The following VPS37A variants were observed in gnomAD, a reference collection of about 807,000 sequenced individuals.
The protein encoded by VPS37A is vacuolar protein sorting-associated protein 37A.
In VPS37A, 30 loss-of-function variants were observed where a neutral mutation model predicts 49.8. The ratio of observed to expected loss-of-function variants is 0.60; its 90% CI spans 0.45 to 0.82. VPS37A has a LOEUF of 0.82. Among genes scored for constraint, VPS37A ranks in the 40% least tolerant of loss-of-function variants. The pLI, the probability that VPS37A is intolerant of heterozygous loss-of-function variation, is 0.00. For missense variants in VPS37A, 593 were observed against 464.4 expected (o/e 1.28, Z -2.55); for synonymous variants, 195 against 160.6 (o/e 1.21, Z -1.62).
chr8:17,277,901 C>CACACAG (rs1491582786), intron 6 of VPS37A, among the ~76,000 whole-genome samples: 7 of 147,632 alleles, frequency 4.7e-5, no homozygotes, highest in African/African-American at 1.8e-4. Context: ...CACACACACA[C>CACACAG]AGACATATAC....
chr8:17,259,252 C>T (rs1812760948), intron 1 of VPS37A, among the ~76,000 whole-genome samples: 1 of 152,094 alleles, frequency 6.6e-6, no homozygotes, highest in African/African-American at 2.4e-5. Context: ...TGCTTTATCC[C>T]ATAGATTTTG....
At chr8:17,249,702 A>T (rs1185649739) in intron 1 of VPS37A, among the ~76,000 whole-genome samples, 2 of 152,206 alleles carry the variant, frequency 1.3e-5, no homozygotes, top group Non-Finnish European at 2.9e-5. Context: ...TGATGTAAAG[A>T]TGGAAAAGGT....
At chr8:17,261,772 C>G (rs1341381290) in intron 1 of VPS37A, among the ~76,000 whole-genome samples, 1 of 152,200 alleles carries the variant, frequency 6.6e-6, no homozygotes, top group East Asian at 1.9e-4. Context: ...TGTGGGAAGG[C>G]TGGCAAACGG....
intron 3 of VPS37A, 29 bp from the exon 4 acceptor site, chr8:17,268,827 T>G: frequency 2.8e-6 from 4 of 1,440,710 alleles, no homozygotes; most frequent in Non-Finnish European, 3.9e-6. Context: ...CTGGAAGTGA[T>G]TTTAAGCGTC....
Position 17,292,432 on chromosome 8 carries a change from G to A in VPS37A, c.*1-2555G>A, listed in dbSNP as rs564839605. 8.8e-4 allele frequency among the ~76,000 whole-genome samples: 134 copies of A among 152,250 alleles called. 1 individual carries two copies. The highest frequency in any genetic ancestry group is 7.1e-3 in the South Asian group (34 of 4,822). On this transcript the variant is annotated intron_variant, in intron 11 of 11. Transcript: ENST00000324849. ...TTGACTCTGTATCATTTGCCAGTCT[G>A]TGCCTTTTAATTGGGGCATTTAGCC...
intron 2 of VPS37A, among the ~76,000 whole-genome samples, chr8:17,267,484 T>TGTGA (rs1813582902): frequency 6.6e-6 from 1 of 152,014 alleles, no homozygotes; most frequent in African/African-American, 2.4e-5. Context: ...TGTGTGTGTG[T>TGTGA]GTTGAAAATA....
chr8:17,330,910 A>G, the VPS37A span, among the ~76,000 whole-genome samples: 2 of 152,228 alleles, frequency 1.3e-5, no homozygotes, highest in Non-Finnish European at 2.9e-5. Flanking sequence ...CTTTGACCTT[A>G]GATGTTCAGT....
At chr8:17,249,014 G>C (rs1418273623) in intron 1 of VPS37A, among the ~76,000 whole-genome samples, 2 of 152,186 alleles carry the variant, frequency 1.3e-5, no homozygotes, top group Non-Finnish European at 2.9e-5. Context: ...TGTTACCTTG[G>C]TAGACTATAT....
downstream of VPS37A, among the ~76,000 whole-genome samples, chr8:17,302,761 G>C (rs1036620854): frequency 8.4e-6 from 1 of 119,586 alleles, no homozygotes; most frequent in Admixed American, 1.2e-4. Context: ...CACCCAAACC[G>C]AAGTGCAGTG....
chr8:17,251,313 G>C (rs952385082), intron 1 of VPS37A, among the ~76,000 whole-genome samples: 18 of 152,110 alleles, frequency 1.2e-4, no homozygotes, highest in African/African-American at 3.4e-4. Context: ...TCATGTTTTG[G>C]ATATTTTTAT....
chr8:17,278,698 T>C (rs757558823), intron 6 of VPS37A, among the ~76,000 whole-genome samples: 27 of 152,038 alleles, frequency 1.8e-4, no homozygotes, highest in South Asian at 1.5e-3. Context: ...TAAATTTTTG[T>C]TTTTGTTTTT....
intron 1 of VPS37A, among the ~76,000 whole-genome samples, chr8:17,250,824 A>G (rs1176062543): frequency 6.6e-6 from 1 of 152,220 alleles, no homozygotes; most frequent in African/African-American, 2.4e-5. Context: ...AACAATATGC[A>G]CGGCAAATGA....
downstream of VPS37A, chr8:17,302,067 T>A (rs750852506): frequency 1.3e-6 from 2 of 1,543,128 alleles, no homozygotes; most frequent in Non-Finnish European, 1.8e-6. Context: ...ATATTTGTAT[T>A]GCACTGAATC....
At chr8:17,308,434 C>A in the VPS37A span, among the ~76,000 whole-genome samples, 1 of 151,986 alleles carries the variant, frequency 6.6e-6, no homozygotes. Context: ...AATAGAATTC[C>A]TGAAAATCAC....
chr8:17,312,644 A>C, the VPS37A span, among the ~76,000 whole-genome samples: 1 of 151,656 alleles, frequency 6.6e-6, no homozygotes, highest in African/African-American at 2.4e-5. Flanking sequence ...GTGAGGGAAG[A>C]GACTTGATCT....
intron 2 of VPS37A, among the ~76,000 whole-genome samples, chr8:17,266,820 CTG>C (rs1813506646): frequency 6.6e-6 from 1 of 152,174 alleles, no homozygotes; most frequent in African/African-American, 2.4e-5. Flanking sequence ...GTCGCCCAGA[CTG>C]GAGTGCAGTG....
chr8:17,285,817 A>G (rs1483837108), intron 10 of VPS37A, among the ~76,000 whole-genome samples: 3 of 152,172 alleles, frequency 2.0e-5, no homozygotes, highest in African/African-American at 7.2e-5. Flanking sequence ...TTTTAAACAT[A>G]GATATTTAAA....
chr8:17,291,586 T>C (rs894266630), intron 11 of VPS37A, among the ~76,000 whole-genome samples: 7 of 152,186 alleles, frequency 4.6e-5, no homozygotes, highest in African/African-American at 1.7e-4. Context: ...ATTTTTTAGA[T>C]TTTTACCGCT....
At chr8:17,291,075 A>G (rs1374974695) in intron 11 of VPS37A, among the ~76,000 whole-genome samples, 7 of 152,000 alleles carry the variant, frequency 4.6e-5, no homozygotes, top group Non-Finnish European at 1.0e-4. Context: ...GTGCATTGGT[A>G]TGATCTTGGC....
Sources: allele counts gnomAD v4.1 joint callset (sites outside exome capture counted in the v4.1 genomes callset), GRCh38; gene constraint gnomAD v4.1.1; transcripts MANE v1.5; gene names NCBI Gene and HGNC (gene_info 2026-07-23, HGNC 2026-07-21).